The following CLECL1 variants were observed in gnomAD, a reference collection of about 807,000 sequenced individuals.
CLECL1 encodes the protein C-type lectin like 1.
At chr12:9,720,323 A>C (rs117869009), downstream of CLECL1, among the ~76,000 whole-genome samples, 12 of 149,870 alleles carry the variant, frequency 8.0e-5, no homozygotes, top group Non-Finnish European at 1.3e-4. Context: ...ACTCTGTGGA[A>C]TTTCATGCCA....
At chr12:9,707,971 A>G in the CLECL1 span, among the ~76,000 whole-genome samples, 1 of 152,184 alleles carries the variant, frequency 6.6e-6, no homozygotes, top group Non-Finnish European at 1.5e-5. Context: ...CTCCATGTCG[A>G]CAGCCACAGG....
At chr12:9,721,219 T>TG (rs1866305649), downstream of CLECL1, among the ~76,000 whole-genome samples, 1 of 90,928 alleles carries the variant, frequency 1.1e-5, no homozygotes, top group Non-Finnish European at 2.1e-5. Flanking sequence ...CTAATAATCC[T>TG]TTTTTTTTTC....
chr12:9,725,603 G>C (rs766431524), intron 3 of CLECL1, among the ~76,000 whole-genome samples: 1 of 152,164 alleles, frequency 6.6e-6, no homozygotes, highest in East Asian at 1.9e-4. Flanking sequence ...TTTATTTATA[G>C]TCTGTCAAAT....
At chr12:9,731,835 G>A (rs1866451427) in intron 1 of CLECL1, among the ~76,000 whole-genome samples, 2 of 152,130 alleles carry the variant, frequency 1.3e-5, no homozygotes, top group Non-Finnish European at 2.9e-5. Context: ...ATTAAACCCT[G>A]GAATGCGGAA....
chr12:9,713,803 A>G (rs7964018), downstream of CLECL1, among the ~76,000 whole-genome samples: 96,044 of 152,052 alleles, frequency 0.63, 30,542 homozygotes, highest in African/African-American at 0.7. Context: ...GCAAGTTCCT[A>G]TTACTATTAT....
rs199985248 is a variant in CLECL1, at chr12:9,731,255, A to G, written n.83-1579T>C. Among the ~76,000 whole-genome samples, 7 of 152,338 alleles carry G rather than the reference A, an allele frequency of 4.6e-5. No homozygotes were observed. In the East Asian group the frequency reaches 7.7e-4, roughly 17 times the overall value. On this transcript the variant is annotated intron_variant and non_coding_transcript_variant, in intron 1 of 3. Transcript: ENST00000621400. ...GCATACATATATACATTCATCGTCT[A>G]ATGCGATTCATTTATTTATTCAGCC...
downstream of CLECL1, among the ~76,000 whole-genome samples, chr12:9,718,360 AT>A (rs76736771): frequency 0.31 from 44,996 of 146,704 alleles, 6,979 homozygotes; most frequent in South Asian, 0.44. Context: ...TTTCCTTACT[AT>A]TTTTTTTTTG....
the CLECL1 span, among the ~76,000 whole-genome samples, chr12:9,706,421 C>T: frequency 6.6e-6 from 1 of 152,160 alleles, no homozygotes; most frequent in Non-Finnish European, 1.5e-5. Flanking sequence ...GAGAGGTTAT[C>T]CTTGTCTTGT....
intron 3 of CLECL1, among the ~76,000 whole-genome samples, chr12:9,723,462 A>C (rs1448889251): frequency 6.6e-6 from 1 of 151,622 alleles, no homozygotes; most frequent in African/African-American, 2.4e-5. Flanking sequence ...ACACACACGC[A>C]CGCACACACA....
chr12:9,730,133 C>T (rs1460468959), intron 1 of CLECL1, among the ~76,000 whole-genome samples: 1 of 152,150 alleles, frequency 6.6e-6, no homozygotes, highest in South Asian at 2.1e-4. Flanking sequence ...TATTTTAACG[C>T]AATACCCACG....
chr12:9,731,971 T>C (rs748647341), intron 1 of CLECL1, among the ~76,000 whole-genome samples: 1 of 152,256 alleles, frequency 6.6e-6, no homozygotes, highest in East Asian at 1.9e-4. Context: ...TTTTTCAAAT[T>C]ATGTTTCACT....
At chr12:9,709,999 AGGGTACACCT>A in the CLECL1 span, among the ~76,000 whole-genome samples, 35 of 152,334 alleles carry the variant, frequency 2.3e-4, no homozygotes, top group Non-Finnish European at 3.7e-4. Context: ...TAGAATTCCC[AGGGTACACCT>A]GTTAGTTGCT....
At chr12:9,708,983 C>A in the CLECL1 span, 1 of 213,122 alleles carries the variant, frequency 4.7e-6, no homozygotes, top group South Asian at 8.3e-5. Context: ...ACCTCATAGC[C>A]CTACGCACAA....
chr12:9,713,364 T>C (rs763818919), downstream of CLECL1, among the ~76,000 whole-genome samples: 2 of 152,378 alleles, frequency 1.3e-5, no homozygotes, highest in African/African-American at 4.8e-5. Flanking sequence ...AACTCACATC[T>C]TCCTATAGTT....
chr12:9,721,218 C>CTT (rs113130897), downstream of CLECL1, among the ~76,000 whole-genome samples: 12 of 149,698 alleles, frequency 8.0e-5, no homozygotes, highest in South Asian at 4.2e-4. Context: ...ACTAATAATC[C>CTT]TTTTTTTTTT....
chr12:9,726,002 T>C (rs1866374595), intron 3 of CLECL1, among the ~76,000 whole-genome samples: 1 of 152,044 alleles, frequency 6.6e-6, no homozygotes, highest in South Asian at 2.1e-4. Context: ...GACATCCAAA[T>C]CATTAGCTAC....
chr12:9,705,886 TTTTTATTCCATATAAA>T, the CLECL1 span, among the ~76,000 whole-genome samples: 1 of 152,170 alleles, frequency 6.6e-6, no homozygotes, highest in African/African-American at 2.4e-5. Flanking sequence ...TTCAGGCTCT[TTTTTATTCCATATAAA>T]TTTTATTCCA....
downstream of CLECL1, chr12:9,718,649 C>T (rs950367980): frequency 8.9e-6 from 6 of 677,230 alleles, no homozygotes; most frequent in Admixed American, 1.3e-4. Context: ...ACAGTGAGGC[C>T]ATTGCGGTGG....
chr12:9,729,494 T>C (rs763591889), intron 2 of CLECL1, among the ~76,000 whole-genome samples: 1 of 152,180 alleles, frequency 6.6e-6, no homozygotes, highest in Non-Finnish European at 1.5e-5. Context: ...AGTTGTACCA[T>C]ATTGTTTAGG....
Sources: gnomAD v4.1 joint callset for allele counts (sites outside exome capture counted in the v4.1 genomes callset) on GRCh38, gnomAD v4.1.1 for gene constraint, MANE v1.5 for transcripts, NCBI Gene and HGNC (gene_info 2026-07-23, HGNC 2026-07-21) for gene names.